Variants in PCSK2 observed in about 807,000 individuals in gnomAD.
PCSK2 encodes neuroendocrine convertase 2.
PCSK2 carries 14 observed loss-of-function variants against 69.7 expected under a neutral mutation model. The ratio of observed to expected loss-of-function variants is 0.20; its 90% CI spans 0.13 to 0.31. The LOEUF (loss-of-function observed/expected upper bound fraction) is 0.31, where lower values mean the gene tolerates loss of function less well. Among genes scored for constraint, PCSK2 ranks in the 10% least tolerant of loss-of-function variants. The pLI is 1.00. For missense variants in PCSK2, 544 were observed against 842.5 expected (o/e 0.65, Z 4.39); for synonymous variants, 307 against 320.7 (o/e 0.96, Z 0.46).
chr20:17,387,177 T>C (rs2031258544), intron 5 of PCSK2, among the ~76,000 whole-genome samples: 1 of 152,216 alleles, frequency 6.6e-6, no homozygotes. Flanking sequence ...TCCTGAGATA[T>C]AAAAGAAGGA....
chr20:17,364,607 A>G (rs1181734355), intron 4 of PCSK2, among the ~76,000 whole-genome samples: 1 of 152,100 alleles, frequency 6.6e-6, no homozygotes, highest in Non-Finnish European at 1.5e-5. Flanking sequence ...GTATGGGGGA[A>G]CCCACCCCCA....
chr20:17,396,810 G>A (rs1042342903), intron 5 of PCSK2, among the ~76,000 whole-genome samples: 39 of 152,214 alleles, frequency 2.6e-4, no homozygotes, highest in Non-Finnish European at 2.9e-5. Flanking sequence ...TGTAGACATG[G>A]AGTCTTGCCA....
chr20:17,378,980 G>A (rs532975736), intron 5 of PCSK2, among the ~76,000 whole-genome samples: 1 of 152,150 alleles, frequency 6.6e-6, no homozygotes, highest in South Asian at 2.1e-4. Flanking sequence ...CTATCTCATA[G>A]AACCAAAAAC....
intron 2 of PCSK2, among the ~76,000 whole-genome samples, chr20:17,274,843 G>A (rs1988000712): frequency 6.6e-6 from 1 of 152,010 alleles, no homozygotes; most frequent in Admixed American, 6.6e-5. Flanking sequence ...GCAGTGCAGA[G>A]GGGATGAGTG....
chr20:17,403,040 G>A (rs932527407), intron 5 of PCSK2, among the ~76,000 whole-genome samples: 4 of 152,192 alleles, frequency 2.6e-5, no homozygotes, highest in Non-Finnish European at 5.9e-5. Context: ...TGACCGTTCA[G>A]TTGTATCACT....
chr20:17,291,626 C>T (rs1988696743), intron 2 of PCSK2, among the ~76,000 whole-genome samples: 1 of 152,124 alleles, frequency 6.6e-6, no homozygotes, highest in African/African-American at 2.4e-5. Context: ...AATTGTCCTC[C>T]ACAGCAATTG....
intron 1 of PCSK2, among the ~76,000 whole-genome samples, chr20:17,238,719 T>G (rs528324657): frequency 6.6e-6 from 1 of 152,304 alleles, no homozygotes; most frequent in South Asian, 2.1e-4. Context: ...CCTGATGTGC[T>G]TTTTTGGTTT....
At chr20:17,313,035 G>A (rs564647043) in intron 2 of PCSK2, among the ~76,000 whole-genome samples, 4 of 152,136 alleles carry the variant, frequency 2.6e-5, no homozygotes, top group Non-Finnish European at 5.9e-5. Context: ...AGCCACATAG[G>A]TGATCTTAAA....
At chr20:17,433,814 C>CTCTCCCCCTCTCT (rs1555795288) in intron 7 of PCSK2, among the ~76,000 whole-genome samples, 1 of 70,840 alleles carries the variant, frequency 1.4e-5, no homozygotes. Flanking sequence ...TCTCTCTCTC[C>CTCTCCCCCTCTCT]CCCCACTTCC....
chr20:17,456,260 A>C, intron 9 of PCSK2, 88 bp from the exon 10 acceptor site: 1 of 714,194 alleles, frequency 1.4e-6, no homozygotes, highest in South Asian at 1.7e-5. Flanking sequence ...GAATAAATAA[A>C]AGGAGTAGAT....
At chr20:17,423,598 T>C (rs2032180873) in intron 6 of PCSK2, among the ~76,000 whole-genome samples, 1 of 151,360 alleles carries the variant, frequency 6.6e-6, no homozygotes, top group African/African-American at 2.4e-5. Flanking sequence ...CATGGAAAAA[T>C]AAATGATTAA....
Position 17,482,082 on chromosome 20 carries a change from C to T in PCSK2, c.*12C>T, listed in dbSNP as rs371883967. On this transcript the variant is annotated 3_prime_UTR_variant, in exon 12 of 12. Coordinates refer to ENST00000262545, the MANE Select transcript of PCSK2 (RefSeq NM_002594.5). ...TTAACAAGAACTAGCGCTGCACATC[C>T]GCCTTTCCCACCGCCCTCCCTCCCC... is the stretch of plus-strand genomic sequence containing the variant. 7 of 1,541,310 alleles carry T rather than the reference C, an allele frequency of 4.5e-6. No homozygotes were observed. Among genetic ancestry groups the T allele is most frequent in the African/African-American group, 2.7e-5 (2 of 72,928 alleles).
intron 2 of PCSK2, among the ~76,000 whole-genome samples, chr20:17,356,047 T>C (rs1056756918): frequency 1.3e-5 from 2 of 152,322 alleles, no homozygotes; most frequent in African/African-American, 4.8e-5. Flanking sequence ...GATATACATG[T>C]GTGTGTGCAT....
At chr20:17,445,280 T>C (rs989825463) in intron 8 of PCSK2, among the ~76,000 whole-genome samples, 2 of 152,224 alleles carry the variant, frequency 1.3e-5, no homozygotes, top group Non-Finnish European at 2.9e-5. Flanking sequence ...TTCATGAACG[T>C]CTTTCCACAA....
chr20:17,454,442 G>T (rs2032882434), intron 9 of PCSK2, among the ~76,000 whole-genome samples: 1 of 152,060 alleles, frequency 6.6e-6, no homozygotes, highest in East Asian at 1.9e-4. Context: ...ATTTTCTCAG[G>T]GAAAGAGTTG....
chr20:17,414,607 C>A (rs886899880), intron 6 of PCSK2, among the ~76,000 whole-genome samples: 2 of 152,142 alleles, frequency 1.3e-5, no homozygotes, highest in African/African-American at 4.8e-5. Flanking sequence ...ACCAGAGGTA[C>A]AAAGAGGAGC....
chr20:17,436,843 G>C lies in PCSK2; in HGVS notation c.845G>C (p.Arg282Pro), dbSNP rs763060959. ...AACGGCAAGACAGTGGATGGGCCCC[G>C]GGAGCTCACGCTGCAGGCCATGGCC... Reference protein sequence around the residue: ...TDNGKTVDGPRELTLQAMADG... With the variant: ...TDNGKTVDGPPELTLQAMADG... The change falls in exon 8 of 12, where the codon CGG becomes CCG. Residue 282 changes from arginine (R) to proline (P), a missense_variant. This residue lies in a region of PCSK2 where 187 missense variants were observed against 399.8 expected (regional missense o/e 0.47). Coordinates refer to ENST00000262545, the MANE Select transcript of PCSK2 (RefSeq NM_002594.5). 6.2e-7 allele frequency: 1 copy of C among 1,613,680 alleles called. No homozygotes were observed. Among genetic ancestry groups the C allele is most frequent in the Admixed American group, 1.7e-5 (1 of 60,008 alleles).
chr20:17,445,382 A>G (rs1250187131), intron 8 of PCSK2, among the ~76,000 whole-genome samples: 1 of 152,138 alleles, frequency 6.6e-6, no homozygotes, highest in Non-Finnish European at 1.5e-5. Context: ...CACTCTTCAG[A>G]GTTGCTGCTG....
chr20:17,428,435 C>A (rs570370653), intron 6 of PCSK2, among the ~76,000 whole-genome samples: 22 of 152,098 alleles, frequency 1.4e-4, no homozygotes, highest in African/African-American at 5.3e-4. Flanking sequence ...TATTTTCAAT[C>A]CTTGCATGTG....
Sources: gnomAD v4.1 joint callset for allele counts (sites outside exome capture counted in the v4.1 genomes callset) on GRCh38, gnomAD v4.1.1 for gene constraint, gnomAD v4.1.1 regional missense constraint, MANE v1.5 for transcripts, NCBI Gene and HGNC (gene_info 2026-07-23, HGNC 2026-07-21) for gene names.